The following IL7 variants were observed in gnomAD, a reference collection of about 807,000 sequenced individuals.
IL7 encodes the protein interleukin-7.
Under a neutral mutation model 21.6 loss-of-function variants are expected in IL7, and 3 were observed. That is an observed-to-expected ratio of 0.14 (90% CI 0.06 to 0.36). IL7 has a LOEUF of 0.36. Ranked by LOEUF, IL7 falls within the 10% of genes least tolerant of loss-of-function variation. IL7 has a pLI of 1.00. For missense variants in IL7, 175 were observed against 200.2 expected (o/e 0.87, Z 0.76); for synonymous variants, 62 against 68.1 (o/e 0.91, Z 0.44).
intron 3 of IL7, among the ~76,000 whole-genome samples, chr8:78,722,908 G>A (rs1242440733): frequency 1.3e-5 from 2 of 151,460 alleles, no homozygotes; most frequent in Admixed American, 6.6e-5. Context: ...AGCTCAAAAG[G>A]TAACAGCACA....
intron 2 of IL7, among the ~76,000 whole-genome samples, chr8:78,779,141 G>A (rs1813230760): frequency 6.6e-6 from 1 of 152,118 alleles, no homozygotes; most frequent in Non-Finnish European, 1.5e-5. Context: ...AGAAGCTTTT[G>A]GGCTGAGACA....
At chr8:78,770,188 A>C (rs926081694) in intron 2 of IL7, among the ~76,000 whole-genome samples, 1 of 152,068 alleles carries the variant, frequency 6.6e-6, no homozygotes, top group Non-Finnish European at 1.5e-5. Flanking sequence ...ACTAATCTTA[A>C]GGTCAGGTTT....
intron 2 of IL7, among the ~76,000 whole-genome samples, chr8:78,784,163 G>C (rs1813433981): frequency 6.6e-6 from 1 of 152,214 alleles, no homozygotes; most frequent in Non-Finnish European, 1.5e-5. Flanking sequence ...AGGTAATTAA[G>C]TCATGAAGGT....
intron 4 of IL7, among the ~76,000 whole-genome samples, chr8:78,679,994 C>T (rs1347245882): frequency 6.6e-6 from 1 of 152,048 alleles, no homozygotes; most frequent in Non-Finnish European, 1.5e-5. Flanking sequence ...AAAATTGGCT[C>T]AAGAGTCAGA....
intron 3 of IL7, among the ~76,000 whole-genome samples, chr8:78,700,239 A>C (rs1047655571): frequency 6.6e-6 from 1 of 152,222 alleles, no homozygotes; most frequent in South Asian, 2.1e-4. Context: ...TTTTTTTCAT[A>C]TGACAGTTGA....
At chr8:78,698,377 T>C in intron 3 of IL7, 1 of 1,525,818 alleles carries the variant, frequency 6.6e-7, no homozygotes, top group Non-Finnish European at 9.0e-7. Context: ...TAACCTTTTT[T>C]AGAGTATTGT....
chr8:78,700,329 T>G (rs1464406330), intron 3 of IL7, among the ~76,000 whole-genome samples: 1 of 152,074 alleles, frequency 6.6e-6, no homozygotes, highest in South Asian at 2.1e-4. Context: ...TTTTTTTTCT[T>G]GTAAGTTTCT....
intron 4 of IL7, among the ~76,000 whole-genome samples, chr8:78,684,538 GCCAAA>G (rs1361921185): frequency 6.6e-6 from 1 of 152,114 alleles, no homozygotes. Context: ...TGGGGACACA[GCCAAA>G]CTATATCAAT....
chr8:78,731,893 A>C (rs1339145453), downstream of IL7, among the ~76,000 whole-genome samples: 1 of 152,156 alleles, frequency 6.6e-6, no homozygotes, highest in East Asian at 1.9e-4. Flanking sequence ...TTTTTAAACA[A>C]GCATTTAAAA....
chr8:78,779,585 G>C (rs1194592200), intron 2 of IL7, among the ~76,000 whole-genome samples: 1 of 152,130 alleles, frequency 6.6e-6, no homozygotes, highest in Non-Finnish European at 1.5e-5. Context: ...CAGAGATGAA[G>C]CCAACTTGAT....
intron 3 of IL7, among the ~76,000 whole-genome samples, chr8:78,697,189 T>G (rs1215399926): frequency 6.6e-6 from 1 of 152,238 alleles, no homozygotes; most frequent in African/African-American, 2.4e-5. Context: ...GCATAAACTT[T>G]ACCATCTTAA....
rs1321897709 is a variant in IL7 at position 78,760,557 on chromosome 8, G to T, written c.148-20475C>A. The T allele has an allele frequency of 1.3e-5, 20 of 1,546,934 alleles. No individual in the cohort carries two copies. In the East Asian group the frequency reaches 3.4e-4, roughly 26 times the overall value. On this transcript the variant is annotated intron_variant, in intron 2 of 5. Coordinates refer to ENST00000263851, the MANE Select transcript of IL7 (RefSeq NM_000880.4). ...AAGTCACTTCTATACATGTCAGCAT[G>T]GTGTTCCTCCAAAGTATTGAATTTG...
chr8:78,746,101 A>AT (rs957200340), intron 2 of IL7, among the ~76,000 whole-genome samples: 12 of 152,154 alleles, frequency 7.9e-5, no homozygotes, highest in Non-Finnish European at 2.9e-5. Flanking sequence ...TCAGATTAGA[A>AT]TTTTTTTATC....
At chr8:78,750,490 C>T (rs1226901022) in intron 2 of IL7, among the ~76,000 whole-genome samples, 1 of 151,994 alleles carries the variant, frequency 6.6e-6, no homozygotes, top group Non-Finnish European at 1.5e-5. Context: ...TTACCTATGG[C>T]CATGAGGTTG....
intron 2 of IL7, among the ~76,000 whole-genome samples, chr8:78,759,650 G>T (rs1812480219): frequency 6.6e-6 from 1 of 152,222 alleles, no homozygotes; most frequent in Admixed American, 6.5e-5. Flanking sequence ...ATCCTTGTTT[G>T]GTGAGCTCAC....
chr8:78,675,900 G>A (rs758234109), exon 5 of IL7: 5 of 1,545,402 alleles, frequency 3.2e-6, no homozygotes. Context: ...TGGTTTTACA[G>A]ATCTGTAATT....
At chr8:78,802,529 C>T (rs1194576294) in intron 1 of IL7, among the ~76,000 whole-genome samples, 2 of 151,520 alleles carry the variant, frequency 1.3e-5, no homozygotes, top group Non-Finnish European at 2.9e-5. Flanking sequence ...CTCCCAGGTT[C>T]AAGTGATTCT....
chr8:78,797,231 A>T (rs768784568), intron 2 of IL7, among the ~76,000 whole-genome samples: 1 of 151,980 alleles, frequency 6.6e-6, no homozygotes, highest in Non-Finnish European at 1.5e-5. Context: ...TAAACAAATC[A>T]GTGGTTACTA....
At chr8:78,784,492 A>G (rs1459064432) in intron 2 of IL7, among the ~76,000 whole-genome samples, 1 of 152,220 alleles carries the variant, frequency 6.6e-6, no homozygotes, top group Non-Finnish European at 1.5e-5. Flanking sequence ...GAATTATACT[A>G]TATACACGAT....
Sources: allele counts gnomAD v4.1 joint callset (sites outside exome capture counted in the v4.1 genomes callset), GRCh38; gene constraint gnomAD v4.1.1; transcripts MANE v1.5; gene names NCBI Gene and HGNC (gene_info 2026-07-23, HGNC 2026-07-21).